The following TRANK1 variants were observed in gnomAD, a reference collection of about 807,000 sequenced individuals.
TRANK1 encodes tetratricopeptide repeat and ankyrin repeat containing 1.
Under a neutral mutation model 266.0 loss-of-function variants are expected in TRANK1, and 198 were observed. That is an observed-to-expected ratio of 0.74 (90% confidence interval 0.66 to 0.84). The LOEUF (loss-of-function observed/expected upper bound fraction) is 0.84. Among genes scored for constraint, TRANK1 ranks in the 40% least tolerant of loss-of-function variants. The pLI, the probability that TRANK1 is intolerant of heterozygous loss-of-function variation, is 0.00. For missense variants in TRANK1, 3,326 were observed against 3,634.6 expected, an observed-to-expected ratio of 0.92 and a Z score of 2.18; for synonymous variants, 1,396 against 1,384.1, an observed-to-expected ratio of 1.01 and a Z score of -0.19.
At position 36,856,822 on chromosome 3, in the gene TRANK1, G is replaced by A; in HGVS notation, c.2900C>T (p.Ser967Phe). Reference protein sequence around the residue: ...AICNAYNRGLSCVLRKKLKGI... With the variant: ...AICNAYNRGLFCVLRKKLKGI... ...TTTCAGCTTCTTCCGCAGGACACAG[G>A]ACAAGCCCCGGTTGTAGGCATTGCA... Residue 967 changes from serine (S) to phenylalanine (F), a missense_variant, in exon 13 of 24, where the codon TCC (serine) becomes TTC (phenylalanine). Coordinates refer to ENST00000645898, the MANE Select transcript of TRANK1 (RefSeq NM_001329998.2). 1 of 1,614,016 alleles carries A rather than the reference G, an allele frequency of 6.2e-7. No homozygotes were observed. Among genetic ancestry groups the A allele is most frequent in the Non-Finnish European group, 8.5e-7 (1 of 1,179,896 alleles).
intron 2 of TRANK1, among the ~76,000 whole-genome samples, chr3:36,904,664 T>C (rs1163527113): frequency 1.3e-5 from 2 of 152,058 alleles, no homozygotes; most frequent in South Asian, 2.1e-4. Context: ...CCACCCTCGA[T>C]GTTTTGTGTC....
chr3:36,936,676 G>A (rs551732122), intron 1 of TRANK1, among the ~76,000 whole-genome samples: 3 of 152,108 alleles, frequency 2.0e-5, no homozygotes, highest in Admixed American at 6.6e-5. Flanking sequence ...AGCCATTCTC[G>A]AGGAAGGATG....
Position 36,857,859 on chromosome 3 carries a change from G to T in TRANK1, c.1863C>A (p.Phe621Leu). ...LDLLVKFDIN[F>L]NLKNKEGKDA... is the part of the protein sequence containing the mutation. ...CTTTGCCCTCTTTGTTCTTCAGATT[G>T]AAGTTGATGTCAAACTTCACCAGCA... Residue 621 changes from phenylalanine to leucine, a missense_variant, in exon 13 of 24, where the codon TTC (phenylalanine) becomes TTA (leucine). Transcript: ENST00000645898. The surrounding 1 kb of genome is among the most constrained non-coding windows in gnomAD (Gnocchi z 4.3). 6.2e-7 allele frequency: 1 copy of T among 1,609,646 alleles called. No individual in the cohort carries two copies. Among genetic ancestry groups the T allele is most frequent in the Non-Finnish European group, 8.5e-7 (1 of 1,177,836 alleles).
intron 22 of TRANK1, among the ~76,000 whole-genome samples, chr3:36,830,262 C>G (rs998757359): frequency 1.3e-5 from 2 of 151,814 alleles, no homozygotes; most frequent in African/African-American, 4.8e-5. Context: ...TTGCAGTGAG[C>G]CAAGATCACG....
chr3:36,832,341 A>T lies in TRANK1; in HGVS notation c.7242T>A (p.Ile2414=). 1 of 1,613,980 alleles carries T rather than the reference A, an allele frequency of 6.2e-7. No individual in the cohort carries two copies. The highest frequency in any genetic ancestry group is 1.7e-5 in the Admixed American group (1 of 60,026). Residue 2414 remains isoleucine, a synonymous_variant, in exon 22 of 24, where the codon ATT becomes ATA. Transcript: ENST00000645898. The part of the protein sequence containing the change: ...LCFIRLLENC[I]DQFYVYRNPE... The stretch of plus-strand genomic sequence containing the variant: ...GGTTCCTGTACACGTAGAATTGATC[A>T]ATGCAATTCTCCAGAAGCCGGATGA...
chr3:36,842,824 C>G, intron 17 of TRANK1, 114 bp from the exon 18 acceptor site: 1 of 905,988 alleles, frequency 1.1e-6, no homozygotes, highest in South Asian at 1.5e-5. Context: ...TTGTTAAAGT[C>G]CTAACTCCCG....
chr3:36,840,865 T>A (rs545144551), intron 18 of TRANK1, among the ~76,000 whole-genome samples: 6 of 152,112 alleles, frequency 3.9e-5, no homozygotes, highest in Non-Finnish European at 8.8e-5. Flanking sequence ...GCACTGCCAA[T>A]CCTTAGAACT....
intron 3 of TRANK1, among the ~76,000 whole-genome samples, chr3:36,902,214 C>T (rs1028555389): frequency 2.6e-4 from 40 of 152,178 alleles, no homozygotes; most frequent in Admixed American, 1.4e-3. Context: ...AGGGGTTGGA[C>T]GAGCTTGTTC....
At chr3:36,939,114 G>C (rs2080463029) in intron 1 of TRANK1, among the ~76,000 whole-genome samples, 1 of 151,952 alleles carries the variant, frequency 6.6e-6, no homozygotes. Context: ...TCCAGCGTGG[G>C]CAACAGAGCG....
intron 18 of TRANK1, among the ~76,000 whole-genome samples, chr3:36,839,787 G>T (rs976678718): frequency 1.1e-4 from 16 of 152,160 alleles, no homozygotes; most frequent in Non-Finnish European, 5.9e-5. Context: ...AGATTCCTGG[G>T]ATCTAAATAT....
At chr3:36,941,294 A>G (rs970389311) in intron 1 of TRANK1, among the ~76,000 whole-genome samples, 4 of 152,194 alleles carry the variant, frequency 2.6e-5, no homozygotes, top group Non-Finnish European at 5.9e-5. Context: ...AACTTCAAAG[A>G]CAGATATAGC....
At chr3:36,893,887 C>CTTTT (rs10646646) in intron 5 of TRANK1, among the ~76,000 whole-genome samples, 1 of 146,178 alleles carries the variant, frequency 6.8e-6, no homozygotes, top group Non-Finnish European at 1.5e-5. Flanking sequence ...GATACCCATT[C>CTTTT]TTTTTTTTTT....
At chr3:36,871,374 G>A (rs1193900485) in intron 9 of TRANK1, among the ~76,000 whole-genome samples, 1 of 152,140 alleles carries the variant, frequency 6.6e-6, no homozygotes, top group African/African-American at 2.4e-5. Context: ...GGTGACAAGA[G>A]TGAAACCCCG....
rs911410657 is a variant in TRANK1, at chr3:36,923,323, TC to T, written c.24-14870del. Among the ~76,000 whole-genome samples, 23 of 150,982 alleles carry T rather than the reference TC, an allele frequency of 1.5e-4. No individual in the cohort carries two copies. The Admixed American group carries it at 1.5e-3, about 10-fold the overall frequency. ...CAGGCTGGATTGCAGTGATACAATC[TC>T]GGCTCACTGCAACCTCCAACTCCCA... On this transcript the variant is annotated intron_variant, in intron 1 of 23. Coordinates refer to ENST00000645898, the MANE Select transcript of TRANK1 (RefSeq NM_001329998.2).
intron 17 of TRANK1, 55 bp from the exon 18 acceptor site, chr3:36,842,765 C>G: frequency 6.6e-7 from 1 of 1,510,254 alleles, no homozygotes; most frequent in Non-Finnish European, 9.1e-7. Context: ...TCACTTAAAA[C>G]TGTTGTTATG....
At chr3:36,930,375 G>C (rs571631915) in intron 1 of TRANK1, among the ~76,000 whole-genome samples, 5 of 152,096 alleles carry the variant, frequency 3.3e-5, no homozygotes, top group Non-Finnish European at 5.9e-5. Context: ...GGAAGCAGGG[G>C]GTCTTTGCAG....
intron 3 of TRANK1, among the ~76,000 whole-genome samples, chr3:36,901,734 T>G (rs2079886180): frequency 6.6e-6 from 1 of 152,078 alleles, no homozygotes; most frequent in African/African-American, 2.4e-5. Flanking sequence ...GGAGAGAGGA[T>G]GGAGAGAGAC....
chr3:36,830,616 A>G (rs2078679720), intron 22 of TRANK1, among the ~76,000 whole-genome samples: 1 of 152,230 alleles, frequency 6.6e-6, no homozygotes, highest in South Asian at 2.1e-4. Flanking sequence ...CTGTAGGAAG[A>G]GGCATGCAAG....
chr3:36,926,092 C>A (rs112650746), intron 1 of TRANK1, among the ~76,000 whole-genome samples: 1 of 152,092 alleles, frequency 6.6e-6, no homozygotes, highest in Non-Finnish European at 1.5e-5. Context: ...ATGACATATA[C>A]CCCCACACCA....
Sources: allele counts gnomAD v4.1 joint callset (sites outside exome capture counted in the v4.1 genomes callset), GRCh38; gene constraint gnomAD v4.1.1; non-coding constraint Gnocchi (gnomAD v3.1); transcripts MANE v1.5; gene names NCBI Gene and HGNC (gene_info 2026-07-23, HGNC 2026-07-21).